Variants in SLC45A3 observed in about 807,000 individuals in gnomAD.
SLC45A3 encodes solute carrier family 45 member 3.
SLC45A3 carries 17 observed loss-of-function variants against 35.3 expected under a neutral mutation model. The ratio of observed to expected loss-of-function variants is 0.48; its 90% CI spans 0.33 to 0.72. SLC45A3 has a LOEUF of 0.72. Among genes scored for constraint, SLC45A3 ranks in the 30% least tolerant of loss-of-function variants. The probability of loss-of-function intolerance (pLI) is 0.02; values close to 1 mark genes in which losing one functional copy is unlikely to be tolerated. For synonymous variants in SLC45A3, 288 were observed against 334.3 expected (o/e 0.86, Z 1.51); for missense variants, 597 against 731.7 (o/e 0.82, Z 2.12).
At chr1:205,667,339 T>C (rs372180914) in intron 1 of SLC45A3, among the ~76,000 whole-genome samples, 1 of 152,212 alleles carries the variant, frequency 6.6e-6, no homozygotes, top group African/African-American at 2.4e-5. Flanking sequence ...AAACCCCATC[T>C]CTACTAAAAA....
At chr1:205,665,524 G>A (rs1671105038) in intron 1 of SLC45A3, among the ~76,000 whole-genome samples, 1 of 152,106 alleles carries the variant, frequency 6.6e-6, no homozygotes, top group Non-Finnish European at 1.5e-5. Flanking sequence ...ACGTTCAAGG[G>A]GAAGAAACAA....
In SLC45A3 at chr1:205,659,521, C is replaced by T. The variant is rs765764027; in HGVS notation, c.1375G>A (p.Ala459Thr). 2.1e-5 allele frequency: 34 copies of T among 1,610,894 alleles called. No individual in the cohort carries two copies. The highest frequency in any genetic ancestry group is 6.7e-5 in the East Asian group (3 of 44,824). Residue 459 changes from alanine to threonine, a missense_variant, in exon 5 of 5, where the codon GCG (alanine) becomes ACG (threonine). By Grantham distance (58) the Ala-to-Thr change is moderately conservative. Coordinates refer to ENST00000367145, the MANE Select transcript of SLC45A3 (RefSeq NM_033102.3). This position sits in a 1 kb window ranked among gnomAD's most constrained non-coding sequence, Gnocchi z 5.8. ...GGSGLLPPPP[A>T]LCGASACDVS... ...TCACAGGCAGAGGCCCCGCAGAGCG[C>T]GGGTGGAGGTGGGAGCAGGCCACTG...
At position 205,664,677 on chromosome 1, in the gene SLC45A3, C is replaced by T. The variant is rs1199588054; in HGVS notation, c.-21G>A. ...ACCATAGTGGGCCAGGCGGGTAGGGCTCAGGGGGCCGTTCAGGCACTCCAG... is the reference window on the plus strand; with the variant it reads ...ACCATAGTGGGCCAGGCGGGTAGGGTTCAGGGGGCCGTTCAGGCACTCCAG... On this transcript the variant is annotated 5_prime_UTR_variant, in exon 2 of 5. Transcript: ENST00000367145. The surrounding 1 kb of genome is among the most constrained non-coding windows in gnomAD (Gnocchi z 5.3). 1 of 1,612,292 alleles carries T rather than the reference C, an allele frequency of 6.2e-7. No individual in the cohort carries two copies. The highest frequency in any genetic ancestry group is 1.3e-5 in the African/African-American group (1 of 74,872).
intron 4 of SLC45A3, among the ~76,000 whole-genome samples, chr1:205,660,125 G>C (rs115458201): frequency 1.3e-5 from 2 of 151,702 alleles, no homozygotes; most frequent in African/African-American, 2.4e-5. Context: ...CCTCCACTCC[G>C]ACATCTGGAA....
intron 4 of SLC45A3, among the ~76,000 whole-genome samples, chr1:205,661,590 C>T (rs1346784908): frequency 6.6e-6 from 1 of 152,190 alleles, no homozygotes; most frequent in Non-Finnish European, 1.5e-5. Context: ...CTGGCCTGAC[C>T]CTTCGGGATT....
At position 205,669,065 on chromosome 1, in the gene SLC45A3, T is replaced by C. The variant is rs1363428893; in HGVS notation, c.-230-4179A>G. On this transcript the variant is annotated intron_variant, in intron 1 of 4. Coordinates refer to ENST00000367145, the MANE Select transcript of SLC45A3 (RefSeq NM_033102.3). The surrounding 1 kb of genome is among the most constrained non-coding windows in gnomAD (Gnocchi z 4.1). ...GAAAAGGGGCCGGGAAATGTTTACC[T>C]AATGAATGAATGGCTAAGAGCAAGG... 6.6e-6 allele frequency among the ~76,000 whole-genome samples: 1 copy of C among 152,142 alleles called. No homozygotes were observed. The highest frequency in any genetic ancestry group is 2.4e-5 in the African/African-American group (1 of 41,432).
intron 1 of SLC45A3, among the ~76,000 whole-genome samples, chr1:205,670,933 T>C (rs1671203191): frequency 6.6e-6 from 1 of 152,048 alleles, no homozygotes; most frequent in African/African-American, 2.4e-5. Context: ...CTCCCCCCAC[T>C]CACCCCCAAT....
At position 205,662,147 on chromosome 1, in the gene SLC45A3, T is replaced by A. The variant is rs1671037276; in HGVS notation, c.959-21A>T. The A allele has an allele frequency of 6.2e-7, 1 of 1,605,090 alleles. No individual in the cohort carries two copies. The highest frequency in any genetic ancestry group is 8.5e-7 in the Non-Finnish European group (1 of 1,174,688). On this transcript the variant is annotated intron_variant, in intron 3 of 4. Transcript: ENST00000367145. The surrounding 1 kb of genome is among the most constrained non-coding windows in gnomAD (Gnocchi z 6.2). ...AACGCCTGCAGAGGGAGAGGGGCCA[T>A]CAGACAGAGCCTGGGAGGGAAGGGT...
rs1361266140 is a variant in SLC45A3 at position 205,676,522 on chromosome 1, C to A, written c.-231+3872G>T. ...GGTGCTTGGCTGAATATGCACATCA[C>A]GCTTAATCCTCACCATAACCATGCA... On this transcript the variant is annotated intron_variant, in intron 1 of 4. Transcript: ENST00000367145. Among the ~76,000 whole-genome samples the A allele has an allele frequency of 2.0e-5, 3 of 152,292 alleles. No homozygotes were observed. The East Asian group carries it at 5.8e-4, about 29-fold the overall frequency.
intron 1 of SLC45A3, among the ~76,000 whole-genome samples, chr1:205,676,966 T>C (rs575163136): frequency 6.6e-6 from 1 of 152,164 alleles, no homozygotes; most frequent in South Asian, 2.1e-4. Flanking sequence ...GGCTGGGTTT[T>C]TTTCTGGACA....
At chr1:205,676,024 T>C (rs535768699) in intron 1 of SLC45A3, among the ~76,000 whole-genome samples, 4 of 152,246 alleles carry the variant, frequency 2.6e-5, no homozygotes, top group Admixed American at 6.5e-5. Flanking sequence ...AGAGAAAGCC[T>C]ATGGGTAAGG....
Position 205,659,218 on chromosome 1 carries a change from A to T in SLC45A3, c.*16T>A, listed in dbSNP as rs754913735. The T allele has an allele frequency of 3.8e-6, 6 of 1,588,940 alleles. No homozygotes were observed. Among genetic ancestry groups the T allele is most frequent in the African/African-American group, 1.3e-5 (1 of 74,592 alleles). ...CCAGTGAGGCAGGCCCTCCACCCCA[A>T]TGTGCTGGAAGTTTTCTACGCTGAG... On this transcript the variant is annotated 3_prime_UTR_variant, in exon 5 of 5. Coordinates refer to ENST00000367145, the MANE Select transcript of SLC45A3 (RefSeq NM_033102.3). The surrounding 1 kb of genome is among the most constrained non-coding windows in gnomAD (Gnocchi z 5.8).
At position 205,664,639 on chromosome 1, in the gene SLC45A3, C is replaced by T. The variant is rs1402667444; in HGVS notation, c.18G>A (p.Trp6Ter). 1 of 1,614,220 alleles carries T rather than the reference C, an allele frequency of 6.2e-7. No homozygotes were observed. Among genetic ancestry groups the T allele is most frequent in the South Asian group, 1.1e-5 (1 of 91,074 alleles). ...TCCGGTGCCGCAGCAGGCGGCTCAC[C>T]CACAGCCTCTGGACCATAGTGGGCC... MVQRL[W>*]VSRLLRHRKA... Residue 6 changes from tryptophan (W) to a stop codon, truncating the protein, a stop_gained, in exon 2 of 5, where the codon TGG becomes TGA. Coordinates refer to ENST00000367145, the MANE Select transcript of SLC45A3 (RefSeq NM_033102.3). LOFTEE classifies it high-confidence loss of function. The surrounding 1 kb of genome is among the most constrained non-coding windows in gnomAD (Gnocchi z 5.3).
chr1:205,672,554 T>C (rs1439633589), intron 1 of SLC45A3, among the ~76,000 whole-genome samples: 3 of 152,190 alleles, frequency 2.0e-5, no homozygotes, highest in East Asian at 1.9e-4. Context: ...AAATCCAAGG[T>C]AGGTGTTTAA....
intron 1 of SLC45A3, among the ~76,000 whole-genome samples, chr1:205,670,638 G>T (rs1212764621): frequency 6.6e-6 from 1 of 152,218 alleles, no homozygotes; most frequent in East Asian, 1.9e-4. Flanking sequence ...TTTCTTCACC[G>T]TTACTGGAAG....
intron 1 of SLC45A3, among the ~76,000 whole-genome samples, chr1:205,677,664 T>C (rs1002566023): frequency 1.3e-5 from 2 of 152,104 alleles, no homozygotes; most frequent in Non-Finnish European, 2.9e-5. Context: ...CTAGAGCAGA[T>C]TTTTGTTTTC....
chr1:205,659,078 C>T lies in SLC45A3; in HGVS notation c.*156G>A. 2 of 746,138 alleles carry T rather than the reference C, an allele frequency of 2.7e-6. No homozygotes were observed. Among genetic ancestry groups the T allele is most frequent in the Non-Finnish European group, 4.3e-6 (2 of 466,622 alleles). 46.2% of individuals were successfully genotyped at this position (746,138 alleles called of 1,614,324 possible). On this transcript the variant is annotated 3_prime_UTR_variant, in exon 5 of 5. Transcript: ENST00000367145. This position sits in a 1 kb window ranked among gnomAD's most constrained non-coding sequence, Gnocchi z 5.8. ...GACGCCCCAGCCCCCAGCTGTGCAG[C>T]TACGCACCTCAGCAGCACAGGGTGG... is the stretch of plus-strand genomic sequence containing the variant.
intron 1 of SLC45A3, among the ~76,000 whole-genome samples, chr1:205,680,087 C>T (rs1371165423): frequency 6.6e-6 from 1 of 150,794 alleles, no homozygotes; most frequent in Non-Finnish European, 1.5e-5. Context: ...GCTCCCCGCC[C>T]ACACCGCCGC....
At position 205,666,821 on chromosome 1, in the gene SLC45A3, C is replaced by T. The variant is rs1029417475; in HGVS notation, c.-230-1935G>A. On this transcript the variant is annotated intron_variant, in intron 1 of 4. Coordinates refer to ENST00000367145, the MANE Select transcript of SLC45A3 (RefSeq NM_033102.3). The surrounding 1 kb of genome is among the most constrained non-coding windows in gnomAD (Gnocchi z 4.1). The stretch of plus-strand genomic sequence containing the variant: ...ATCTCATTGCTGCATTTCCACAGTA[C>T]CCCCAAGAAGGAAAGCAGGAGACAG... Among the ~76,000 whole-genome samples the T allele has an allele frequency of 6.6e-6, 1 of 152,216 alleles. No individual in the cohort carries two copies. The highest frequency in any genetic ancestry group is 2.4e-5 in the African/African-American group (1 of 41,452).
Sources: allele counts gnomAD v4.1 joint callset (sites outside exome capture counted in the v4.1 genomes callset), GRCh38; gene constraint gnomAD v4.1.1; non-coding constraint Gnocchi (gnomAD v3.1); transcripts MANE v1.5; gene names NCBI Gene and HGNC (gene_info 2026-07-23, HGNC 2026-07-21).